LAMC1: variants seen among roughly 807,000 people sequenced by gnomAD.
The protein encoded by LAMC1 is laminin subunit gamma-1.
LAMC1 carries 38 observed loss-of-function variants against 173.6 expected under a neutral mutation model. That is an observed-to-expected ratio of 0.22 (90% CI 0.17 to 0.29). LAMC1 has a LOEUF of 0.29. Ranked by LOEUF, LAMC1 falls within the 10% of genes least tolerant of loss-of-function variation. LAMC1 has a pLI of 1.00. For missense variants in LAMC1, 1,824 were observed against 2,051.8 expected (o/e 0.89, Z 2.14); for synonymous variants, 746 against 749.1 (o/e 1.00, Z 0.07).
chr1:183,090,711 A>G (rs756448737), intron 1 of LAMC1, among the ~76,000 whole-genome samples: 2 of 152,194 alleles, frequency 1.3e-5, no homozygotes, highest in Non-Finnish European at 2.9e-5. Context: ...GCAGTTTTCA[A>G]CATGTCATTT....
At chr1:183,082,766 GT>G (rs1162618209) in intron 1 of LAMC1, among the ~76,000 whole-genome samples, 2 of 152,200 alleles carry the variant, frequency 1.3e-5, no homozygotes, top group Non-Finnish European at 2.9e-5. Context: ...TTAATTGGGG[GT>G]TTATTAGGAT....
chr1:183,136,302 A>C (rs1656938637), intron 24 of LAMC1, 84 bp from the exon 25 acceptor site: 1 of 1,235,292 alleles, frequency 8.1e-7, no homozygotes, highest in Non-Finnish European at 1.2e-6. Flanking sequence ...TGTTCATAAA[A>C]CAAAATCCAG....
chr1:183,087,170 C>T (rs749773449), intron 1 of LAMC1, among the ~76,000 whole-genome samples: 1 of 152,136 alleles, frequency 6.6e-6, no homozygotes, highest in African/African-American at 2.4e-5. Flanking sequence ...CTTCAGTACT[C>T]AGCCTATTGC....
In LAMC1 at chr1:183,133,816, T is replaced by TA. The variant is rs371632655; in HGVS notation, c.3849+273dup. On this transcript the variant is annotated intron_variant, in intron 22 of 27. Transcript: ENST00000258341. ...GTCAACATAGTGAGACCCCATCTCT[T>TA]AAAAAAACAAAAACAAAAACTTACC... Among the ~76,000 whole-genome samples the TA allele has an allele frequency of 3.7e-4, 56 of 152,188 alleles. No individual in the cohort carries two copies. The Middle Eastern group carries it at 0.01, about 28-fold the overall frequency.
chr1:183,077,940 G>T (rs139065039), intron 1 of LAMC1, among the ~76,000 whole-genome samples: 2 of 151,610 alleles, frequency 1.3e-5, no homozygotes, highest in Admixed American at 6.6e-5. Context: ...GCAATAAGTT[G>T]TCTCTTAAAT....
chr1:183,135,118 C>T lies in LAMC1; in HGVS notation c.4076C>T (p.Thr1359Ile). ...GAAGCTGCAAAGAAGGGACGGGATA[C>T]CTTACAAGAAGCTAATGACATTCTC... ...AEEAAKKGRD[T>I]LQEANDILNN... Residue 1359 changes from threonine to isoleucine, a missense_variant, in exon 24 of 28, where the codon ACC (threonine) becomes ATC (isoleucine). Coordinates refer to ENST00000258341, the MANE Select transcript of LAMC1 (RefSeq NM_002293.4). 6.2e-7 allele frequency: 1 copy of T among 1,613,848 alleles called. No homozygotes were observed. Among genetic ancestry groups the T allele is most frequent in the Non-Finnish European group, 8.5e-7 (1 of 1,179,804 alleles).
chr1:183,118,135 A>G lies in LAMC1; in HGVS notation c.1979A>G (p.Tyr660Cys). ...ACCTCTATCAAGATACGTGGGACAT[A>G]CAGTGAGAGAAGTAAGTTATGATAT... is the stretch of plus-strand genomic sequence containing the variant. ...NLTSIKIRGT[Y>C]SERSAGYLDD... Residue 660 changes from tyrosine to cysteine, a missense_variant, in exon 11 of 28, where the codon TAC (tyrosine) becomes TGC (cysteine). Tyr to Cys is a radical substitution (Grantham distance 194). Transcript: ENST00000258341. The G allele has an allele frequency of 1.3e-6, 2 of 1,556,656 alleles. No individual in the cohort carries two copies. Among genetic ancestry groups the G allele is most frequent in the Non-Finnish European group, 1.8e-6 (2 of 1,129,222 alleles).
At chr1:183,074,619 G>A (rs1655083812) in intron 1 of LAMC1, among the ~76,000 whole-genome samples, 1 of 152,184 alleles carries the variant, frequency 6.6e-6, no homozygotes, top group Non-Finnish European at 1.5e-5. Flanking sequence ...TAAAGGAAGA[G>A]GAGGCTAAGT....
intron 1 of LAMC1, among the ~76,000 whole-genome samples, chr1:183,093,048 G>A (rs968250651): frequency 2.0e-4 from 31 of 152,222 alleles, no homozygotes; most frequent in African/African-American, 7.5e-4. Context: ...GGAGGCCCAG[G>A]TGGGAGGATT....
Position 183,053,375 on chromosome 1 carries a change from A to G in LAMC1, c.418+29241A>G, listed in dbSNP as rs541145679. On this transcript the variant is annotated intron_variant, in intron 1 of 27. Transcript: ENST00000258341. Reference sequence around the variant, plus strand: ...ACTCTGATATTTTCTATTCACTTCTAATTCTTTTTTAAAAATGCTCATCTG... The same window carrying G: ...ACTCTGATATTTTCTATTCACTTCTGATTCTTTTTTAAAAATGCTCATCTG... 1.2e-4 allele frequency among the ~76,000 whole-genome samples: 18 copies of G among 151,640 alleles called. No homozygotes were observed. In the South Asian group the frequency reaches 2.7e-3, roughly 23 times the overall value.
At chr1:183,040,499 T>C (rs978012958) in intron 1 of LAMC1, among the ~76,000 whole-genome samples, 21 of 152,246 alleles carry the variant, frequency 1.4e-4, no homozygotes, top group Non-Finnish European at 2.1e-4. Flanking sequence ...TTTGTTTATT[T>C]GGAACTTGTT....
At chr1:183,134,568 T>C (rs373485824) in intron 22 of LAMC1, 92 bp from the exon 23 acceptor site, 2 of 950,358 alleles carry the variant, frequency 2.1e-6, no homozygotes, top group South Asian at 1.8e-5. Flanking sequence ...AAAATATCAT[T>C]GAGTATTAGG....
intron 1 of LAMC1, among the ~76,000 whole-genome samples, chr1:183,078,502 A>G (rs989653513): frequency 7.9e-5 from 12 of 151,910 alleles, no homozygotes; most frequent in Non-Finnish European, 8.8e-5. Context: ...GAATGGCATG[A>G]ACCTGGGAGG....
Position 183,103,629 on chromosome 1 carries a change from G to A in LAMC1, c.720G>A (p.Leu240=), listed in dbSNP as rs752734006. ...ATAACTTTGACAATAGCCCTGTGCT[G>A]CAGGTAAATTCTCACAGGTTGGCCT... The part of the protein sequence containing the change: ...SAYNFDNSPV[L]QEWVTATDIR... The change falls in exon 2 of 28, where the codon CTG becomes CTA. Residue 240 remains leucine, a synonymous_variant. Coordinates refer to ENST00000258341, the MANE Select transcript of LAMC1 (RefSeq NM_002293.4). 1 of 1,535,338 alleles carries A rather than the reference G, an allele frequency of 6.5e-7. No homozygotes were observed. The highest frequency in any genetic ancestry group is 1.4e-5 in the African/African-American group (1 of 72,508).
chr1:183,098,593 C>G (rs1187946556), intron 1 of LAMC1, among the ~76,000 whole-genome samples: 1 of 152,214 alleles, frequency 6.6e-6, no homozygotes, highest in Non-Finnish European at 1.5e-5. Context: ...GCTACCTTTG[C>G]TGGACTTTAC....
At chr1:183,097,944 C>T (rs528408220) in intron 1 of LAMC1, among the ~76,000 whole-genome samples, 7 of 152,190 alleles carry the variant, frequency 4.6e-5, no homozygotes, top group East Asian at 1.9e-4. Flanking sequence ...GGTTAGTCTT[C>T]GTGTGTGTGA....
At chr1:183,055,182 G>T (rs1307647330) in intron 1 of LAMC1, among the ~76,000 whole-genome samples, 1 of 151,392 alleles carries the variant, frequency 6.6e-6, no homozygotes, top group Non-Finnish European at 1.5e-5. Flanking sequence ...CAGAGACGGG[G>T]TTTCACCATG....
intron 1 of LAMC1, among the ~76,000 whole-genome samples, chr1:183,031,033 T>A (rs1653836200): frequency 6.6e-6 from 1 of 152,176 alleles, no homozygotes; most frequent in Non-Finnish European, 1.5e-5. Flanking sequence ...ACATGTACAT[T>A]GTTGAAATAG....
At chr1:183,088,096 C>T (rs1655478768) in intron 1 of LAMC1, among the ~76,000 whole-genome samples, 1 of 152,290 alleles carries the variant, frequency 6.6e-6, no homozygotes, top group East Asian at 1.9e-4. Flanking sequence ...AGCCACCACA[C>T]CCAACCAGAA....
Sources: allele counts gnomAD v4.1 joint callset (sites outside exome capture counted in the v4.1 genomes callset), GRCh38; gene constraint gnomAD v4.1.1; transcripts MANE v1.5; gene names NCBI Gene and HGNC (gene_info 2026-07-23, HGNC 2026-07-21).